SMAP1: variants seen among roughly 807,000 people sequenced by gnomAD.
SMAP1 encodes small ArfGAP 1.
A neutral mutation model predicts 58.5 loss-of-function variants in SMAP1; 24 were observed. That is an observed-to-expected ratio of 0.41 (90% CI 0.30 to 0.58). SMAP1 has a LOEUF of 0.58. SMAP1 is among the 20% of genes least tolerant of loss of function. SMAP1 has a pLI of 0.29. For missense variants in SMAP1, 563 were observed against 566.3 expected (o/e 0.99, Z 0.06); for synonymous variants, 216 against 196.6 (o/e 1.10, Z -0.82).
chr6:70,858,142 C>A lies in SMAP1; in HGVS notation c.1182C>A (p.Pro394=). 6.2e-7 allele frequency: 1 copy of A among 1,613,960 alleles called. No homozygotes were observed. The highest frequency in any genetic ancestry group is 2.2e-5 in the East Asian group (1 of 44,854). ...CACTTCCTCAGAACGTTGTTGGCCC[C>A]CAAGGAGGAATGGTGGGACAAATGG... is the stretch of plus-strand genomic sequence containing the variant. ...VMPLPQNVVG[P]QGGMVGQMGA... is the part of the protein sequence containing the mutation. Residue 394 remains proline, a synonymous_variant, in exon 10 of 11, where the codon CCC becomes CCA. Transcript: ENST00000370455.
At chr6:70,849,575 CT>C in intron 7 of SMAP1, among the ~76,000 whole-genome samples, 1 of 152,242 alleles carries the variant, frequency 6.6e-6, no homozygotes, top group South Asian at 2.1e-4. Flanking sequence ...AATCTGGAAA[CT>C]ACCTAAATTC....
At chr6:70,740,232 C>T (rs908462953) in intron 2 of SMAP1, among the ~76,000 whole-genome samples, 1 of 152,064 alleles carries the variant, frequency 6.6e-6, no homozygotes, top group East Asian at 1.9e-4. Flanking sequence ...ACTTCACATA[C>T]CTCCCTCTTC....
At chr6:70,785,499 C>T (rs1230692082) in intron 4 of SMAP1, among the ~76,000 whole-genome samples, 2 of 152,114 alleles carry the variant, frequency 1.3e-5, no homozygotes, top group African/African-American at 2.4e-5. Flanking sequence ...TTCAAAAAAT[C>T]AATGAATCCA....
chr6:70,708,059 A>C (rs972918890), intron 1 of SMAP1, among the ~76,000 whole-genome samples: 5 of 152,054 alleles, frequency 3.3e-5, no homozygotes, highest in African/African-American at 4.8e-5. Flanking sequence ...TGAACATTAT[A>C]TCTCTAGACT....
chr6:70,857,210 GT>G (rs1771464240), intron 9 of SMAP1, 180 bp downstream of exon 9: 1 of 512,118 alleles, frequency 2.0e-6, no homozygotes, highest in Non-Finnish European at 3.2e-6. Flanking sequence ...TAAGAGGCAT[GT>G]ACAGGATTCA....
chr6:70,792,387 A>G (rs1768401197), intron 5 of SMAP1, among the ~76,000 whole-genome samples: 1 of 148,920 alleles, frequency 6.7e-6, no homozygotes, highest in South Asian at 2.1e-4. Context: ...CCTTTCAACT[A>G]TCATTTTTTC....
chr6:70,685,314 T>C lies in SMAP1; in HGVS notation c.118+17173T>C, dbSNP rs184186930. Among the ~76,000 whole-genome samples the C allele has an allele frequency of 9.2e-5, 14 of 151,628 alleles. No homozygotes were observed. In the East Asian group the frequency reaches 2.1e-3, roughly 23 times the overall value. ...TTTTTTTTTTTAACTTTTTATCTGC[T>C]GATTCACTAGAGTAGACATTAGTGA... On this transcript the variant is annotated intron_variant, in intron 1 of 10. Coordinates refer to ENST00000370455, the MANE Select transcript of SMAP1 (RefSeq NM_001044305.3).
At position 70,860,194 on chromosome 6, in the gene SMAP1, T is replaced by G; in HGVS notation, c.1270-6T>G. The G allele has an allele frequency of 6.2e-7, 1 of 1,603,476 alleles. No individual in the cohort carries two copies. The highest frequency in any genetic ancestry group is 8.5e-7 in the Non-Finnish European group (1 of 1,176,184). ...TCTTGAACTAAGCCTTTTATATGTTTCACAGATGAATCAGCAGATGGCTGG... is the reference window on the plus strand; with the variant it reads ...TCTTGAACTAAGCCTTTTATATGTTGCACAGATGAATCAGCAGATGGCTGG... On this transcript the variant is annotated splice_region_variant and splice_polypyrimidine_tract_variant and intron_variant, in intron 10 of 10. Coordinates refer to ENST00000370455, the MANE Select transcript of SMAP1 (RefSeq NM_001044305.3).
chr6:70,855,050 T>TATACATATA (rs1554210637), intron 8 of SMAP1, among the ~76,000 whole-genome samples: 6 of 124,378 alleles, frequency 4.8e-5, no homozygotes, highest in South Asian at 3.1e-4. Flanking sequence ...TCCTGTTCTT[T>TATACATATA]CATATACATA....
chr6:70,719,708 T>G lies in SMAP1; in HGVS notation c.119-12670T>G, dbSNP rs140650561. Among the ~76,000 whole-genome samples the G allele has an allele frequency of 2.3e-3, 352 of 152,164 alleles. 1 individual carries two copies. Among genetic ancestry groups the G allele is most frequent in the African/African-American group, 7.0e-3 (291 of 41,526 alleles). On this transcript the variant is annotated intron_variant, in intron 1 of 10. Transcript: ENST00000370455. ...ATCATGGTGGGAGGCAAAAGGCACT[T>G]CTTACATGGTGGCAGCAAGAGAAAA...
intron 5 of SMAP1, among the ~76,000 whole-genome samples, chr6:70,798,264 C>T: frequency 6.7e-6 from 1 of 150,320 alleles, no homozygotes; most frequent in South Asian, 2.1e-4. Flanking sequence ...TGTTCTATCA[C>T]TTAGTTTTTT....
At chr6:70,791,250 A>G (rs1768338421) in intron 4 of SMAP1, among the ~76,000 whole-genome samples, 1 of 151,980 alleles carries the variant, frequency 6.6e-6, no homozygotes, top group Non-Finnish European at 1.5e-5. Context: ...ACTCCGTTTT[A>G]TTTTTCATTC....
intron 1 of SMAP1, chr6:70,668,442 T>A: frequency 7.6e-7 from 1 of 1,315,642 alleles, no homozygotes; most frequent in Non-Finnish European, 1.0e-6. Flanking sequence ...GGGCTGGGGG[T>A]AGGAGCGAGG....
At chr6:70,859,841 A>ATAAT (rs1328314520) in intron 10 of SMAP1, 2 of 186,384 alleles carry the variant, frequency 1.1e-5, no homozygotes, top group Middle Eastern at 2.2e-3. Context: ...AGTTTATAGG[A>ATAAT]TAATTTTAGA....
intron 6 of SMAP1, among the ~76,000 whole-genome samples, chr6:70,811,660 A>G (rs1769394392): frequency 6.6e-6 from 1 of 152,170 alleles, no homozygotes; most frequent in South Asian, 2.1e-4. Context: ...CTTATTGCAC[A>G]TCCTCCCATA....
intron 6 of SMAP1, among the ~76,000 whole-genome samples, chr6:70,831,481 A>G (rs1160046913): frequency 6.6e-6 from 1 of 152,074 alleles, no homozygotes; most frequent in Non-Finnish European, 1.5e-5. Flanking sequence ...ATGTATTCTC[A>G]GTGTTTAGCT....
chr6:70,769,153 G>C (rs1397871735), intron 3 of SMAP1, among the ~76,000 whole-genome samples: 1 of 152,152 alleles, frequency 6.6e-6, no homozygotes, highest in Non-Finnish European at 1.5e-5. Flanking sequence ...CATTTGCTGA[G>C]GAGAGCTTTA....
intron 8 of SMAP1, among the ~76,000 whole-genome samples, chr6:70,855,592 T>G (rs1198780480): frequency 6.6e-6 from 1 of 152,184 alleles, no homozygotes; most frequent in Non-Finnish European, 1.5e-5. Context: ...ATATTAACAA[T>G]AAACACCAAG....
intron 6 of SMAP1, among the ~76,000 whole-genome samples, chr6:70,817,358 G>A (rs1582248005): frequency 6.6e-6 from 1 of 152,160 alleles, no homozygotes; most frequent in South Asian, 2.1e-4. Context: ...TCTAAGGAAA[G>A]ATCAATTTGA....
Sources: gnomAD v4.1 joint callset for allele counts (sites outside exome capture counted in the v4.1 genomes callset) on GRCh38, gnomAD v4.1.1 for gene constraint, MANE v1.5 for transcripts, NCBI Gene and HGNC (gene_info 2026-07-23, HGNC 2026-07-21) for gene names.